Variants in JMY observed in about 807,000 individuals in gnomAD.
The protein encoded by JMY is junction mediating and regulatory protein, p53 cofactor.
JMY carries 46 observed loss-of-function variants against 103.3 expected under a neutral mutation model. The ratio of observed to expected loss-of-function variants is 0.45; its 90% CI spans 0.35 to 0.57. The LOEUF (loss-of-function observed/expected upper bound fraction) is 0.57, where lower values mean the gene tolerates loss of function less well. JMY is among the 20% of genes least tolerant of loss of function. The pLI is 0.00. For missense variants in JMY, 1,238 were observed against 1,255.2 expected, an observed-to-expected ratio of 0.99 and a Z score of 0.21; for synonymous variants, 526 against 489.3, an observed-to-expected ratio of 1.07 and a Z score of -0.99.
chr5:79,289,234 C>CAAAAA (rs535416062), intron 2 of JMY, among the ~76,000 whole-genome samples: 2 of 55,434 alleles, frequency 3.6e-5, no homozygotes, highest in African/African-American at 5.6e-5. Context: ...GACGCCGTCT[C>CAAAAA]AAAAAAAAAA....
intron 1 of JMY, among the ~76,000 whole-genome samples, chr5:79,239,952 G>T (rs1744683093): frequency 6.6e-6 from 1 of 151,778 alleles, no homozygotes; most frequent in Non-Finnish European, 1.5e-5. Context: ...TAAAAAATGT[G>T]TTCCTAATTA....
chr5:79,270,609 T>TAAATATTTA (rs1403454069), intron 1 of JMY, among the ~76,000 whole-genome samples: 7 of 141,298 alleles, frequency 5.0e-5, no homozygotes, highest in African/African-American at 1.6e-4. Context: ...TATATTTACA[T>TAAATATTTA]AAATGTTTAT....
intron 1 of JMY, among the ~76,000 whole-genome samples, chr5:79,265,419 C>T (rs1257713410): frequency 2.0e-5 from 3 of 152,162 alleles, no homozygotes; most frequent in African/African-American, 4.8e-5. Flanking sequence ...GTCTTAACTA[C>T]AATTCAGAGT....
intron 7 of JMY, among the ~76,000 whole-genome samples, chr5:79,310,709 T>C (rs1747020505): frequency 6.6e-6 from 1 of 152,240 alleles, no homozygotes; most frequent in African/African-American, 2.4e-5. Context: ...TAGTAAACTC[T>C]CTAAAACAAA....
chr5:79,265,116 A>C (rs1745546680), intron 1 of JMY, among the ~76,000 whole-genome samples: 1 of 152,070 alleles, frequency 6.6e-6, no homozygotes, highest in African/African-American at 2.4e-5. Context: ...CAGTAGAGAC[A>C]GGTTTCACCT....
At chr5:79,307,807 C>T (rs1000718628) in intron 7 of JMY, among the ~76,000 whole-genome samples, 11 of 152,102 alleles carry the variant, frequency 7.2e-5, no homozygotes, top group African/African-American at 2.7e-4. Context: ...GGCGCGATCT[C>T]GGCTCACTGC....
intron 10 of JMY, among the ~76,000 whole-genome samples, chr5:79,318,759 T>G (rs3992954): frequency 0.05 from 1,001 of 20,152 alleles, 12 homozygotes; most frequent in South Asian, 0.13. Flanking sequence ...TATATATATA[T>G]ATAGAGAGAG....
At position 79,276,891 on chromosome 5, in the gene JMY, C is replaced by T. The variant is rs1230392712; in HGVS notation, c.1033-1019C>T. ...AAGTGCTAGGATTACAGGCTTCAGCCACCATGCCTGGCCGATTATTGTTTT... is the reference window on the plus strand; with the variant it reads ...AAGTGCTAGGATTACAGGCTTCAGCTACCATGCCTGGCCGATTATTGTTTT... On this transcript the variant is annotated intron_variant, in intron 1 of 10. Transcript: ENST00000396137. Among the ~76,000 whole-genome samples, 4 of 152,270 alleles carry T rather than the reference C, an allele frequency of 2.6e-5. No individual in the cohort carries two copies. In the South Asian group the frequency reaches 8.3e-4, roughly 32 times the overall value.
chr5:79,310,248 A>C (rs2112115735), intron 7 of JMY, among the ~76,000 whole-genome samples: 1 of 151,714 alleles, frequency 6.6e-6, no homozygotes, highest in Non-Finnish European at 1.5e-5. Flanking sequence ...TTTTTAGTAG[A>C]TGGGGTTTCA....
At chr5:79,274,402 T>G (rs182181884) in intron 1 of JMY, among the ~76,000 whole-genome samples, 10,146 of 152,026 alleles carry the variant, frequency 0.067, 631 homozygotes, top group African/African-American at 0.16. Context: ...TAGTGTTTTT[T>G]TTTGTTTGTT....
intron 6 of JMY, among the ~76,000 whole-genome samples, chr5:79,302,534 AT>A (rs1415777827): frequency 2.0e-5 from 3 of 152,072 alleles, no homozygotes; most frequent in African/African-American, 7.3e-5. Flanking sequence ...AATTGGCCAG[AT>A]TGATGGTGTT....
intron 4 of JMY, among the ~76,000 whole-genome samples, chr5:79,299,431 G>C (rs1285396650): frequency 1.3e-5 from 2 of 152,006 alleles, no homozygotes; most frequent in East Asian, 3.8e-4. Flanking sequence ...TCCCCTTGGT[G>C]GTTTCCTTCA....
At chr5:79,267,266 ATGTTT>A (rs1187769982) in intron 1 of JMY, among the ~76,000 whole-genome samples, 1 of 152,138 alleles carries the variant, frequency 6.6e-6, no homozygotes, top group African/African-American at 2.4e-5. Flanking sequence ...TAGAGTTTCT[ATGTTT>A]TGACAAATGC....
intron 2 of JMY, among the ~76,000 whole-genome samples, chr5:79,287,214 G>A (rs551656978): frequency 3.7e-4 from 57 of 152,298 alleles, no homozygotes; most frequent in Admixed American, 3.1e-3. Flanking sequence ...GGGTGATGCT[G>A]ACAGGAACAG....
chr5:79,292,195 C>T (rs1281524119), intron 4 of JMY, among the ~76,000 whole-genome samples: 1 of 152,142 alleles, frequency 6.6e-6, no homozygotes, highest in Non-Finnish European at 1.5e-5. Context: ...TGAGGCATTT[C>T]TACTATAATA....
In JMY at chr5:79,237,511, C is replaced by G; in HGVS notation, c.861C>G (p.Tyr287Ter). The change falls in exon 1 of 11, where the codon TAC becomes TAG. Residue 287 changes from tyrosine to a stop codon, truncating the protein, a stop_gained. Transcript: ENST00000396137. LOFTEE classifies it high-confidence loss of function. ...AGCAGGAAATCGACACTCTGTGTTA[C>G]CAGCTCCAGGTCTACCTGGGCCACG... Reference protein sequence around the residue: ...MTEQEIDTLCYQLQVYLGHGL... With the variant: ...MTEQEIDTLC 1 of 1,613,802 alleles carries G rather than the reference C, an allele frequency of 6.2e-7. No individual in the cohort carries two copies. Among genetic ancestry groups the G allele is most frequent in the African/African-American group, 1.3e-5 (1 of 75,018 alleles).
chr5:79,323,050 T>C lies in JMY; in HGVS notation c.*1448T>C, dbSNP rs1210970831. On this transcript the variant is annotated 3_prime_UTR_variant, in exon 11 of 11. Transcript: ENST00000396137. ...AGGGAGAAAATTTTCTGGCAACAGG[T>C]TATGTAAGACAACAACTTTTTTTAT... is the stretch of plus-strand genomic sequence containing the variant. 6.6e-6 allele frequency: 1 copy of C among 151,900 alleles called. No individual in the cohort carries two copies. Among genetic ancestry groups the C allele is most frequent in the African/African-American group, 2.4e-5 (1 of 41,280 alleles). The allele number at this position is 151,900 out of a possible 1,614,324, so 9.4% of individuals were successfully genotyped here.
Position 79,236,655 on chromosome 5 carries a change from C to T in JMY, c.5C>T (p.Ser2Leu), listed in dbSNP as rs545942408. The change falls in exon 1 of 11, where the codon TCG (serine) becomes TTG (leucine). Residue 2 changes from serine (S) to leucine (L), a missense_variant. Coordinates refer to ENST00000396137, the MANE Select transcript of JMY (RefSeq NM_152405.5). M[S>L]FALEETLESD... is the part of the protein sequence containing the mutation. Reference sequence around the variant, plus strand: ...CGGCGAGAAGCCGGAGCCACCATGTCGTTCGCGCTGGAGGAGACGCTCGAG... The same window carrying T: ...CGGCGAGAAGCCGGAGCCACCATGTTGTTCGCGCTGGAGGAGACGCTCGAG... 8 of 1,417,136 alleles carry T rather than the reference C, an allele frequency of 5.6e-6. No homozygotes were observed. Among genetic ancestry groups the T allele is most frequent in the Non-Finnish European group, 6.5e-6 (7 of 1,072,502 alleles). 87.8% of individuals were successfully genotyped at this position (1,417,136 alleles called of 1,614,324 possible). A position where few individuals can be genotyped will look rare whatever the true frequency, so the allele number is the denominator to read the frequency against.
rs986129126 is a variant in JMY, at chr5:79,323,794, A to T, written c.*2192A>T. 1.8e-4 allele frequency: 28 copies of T among 152,198 alleles called. No individual in the cohort carries two copies. The highest frequency in any genetic ancestry group is 6.3e-4 in the African/African-American group (26 of 41,446). 9.4% of individuals were successfully genotyped at this position (152,198 alleles called of 1,614,324 possible). On this transcript the variant is annotated 3_prime_UTR_variant, in exon 11 of 11. Transcript: ENST00000396137. ...ACATATGTCCTGTGGTCTGTCTTCC[A>T]GAGTGTGCTGTAATCATAAGTCTCT...
Sources: gnomAD v4.1 joint callset for allele counts (sites outside exome capture counted in the v4.1 genomes callset) on GRCh38, gnomAD v4.1.1 for gene constraint, MANE v1.5 for transcripts, NCBI Gene and HGNC (gene_info 2026-07-23, HGNC 2026-07-21) for gene names.